COL25A1: variants seen among roughly 807,000 people sequenced by gnomAD.
The protein encoded by COL25A1 is collagen type XXV alpha 1 chain, also known as collagen alpha-1(XXV) chain.
COL25A1 carries 103 observed loss-of-function variants against 128.4 expected under a neutral mutation model. The ratio of observed to expected loss-of-function variants is 0.80; its 90% CI spans 0.68 to 0.94. The LOEUF (loss-of-function observed/expected upper bound fraction) is 0.94, where lower values mean the gene tolerates loss of function less well. Among genes scored for constraint, COL25A1 ranks in the 40% least tolerant of loss-of-function variants. The probability of loss-of-function intolerance (pLI) is 0.00; values close to 1 mark genes in which losing one functional copy is unlikely to be tolerated. For synonymous variants in COL25A1, 279 were observed against 277.2 expected, an observed-to-expected ratio of 1.01 and a Z score of -0.06; for missense variants, 745 against 840.0, an observed-to-expected ratio of 0.89 and a Z score of 1.40.
rs113177941 is a variant in COL25A1 at position 109,026,333 on chromosome 4, G to T, written c.421-15958C>A. 5.7e-3 allele frequency among the ~76,000 whole-genome samples: 871 copies of T among 152,222 alleles called. 3 individuals are homozygous for T. The highest frequency in any genetic ancestry group is 0.01 in the Non-Finnish European group (688 of 67,998). On this transcript the variant is annotated intron_variant, in intron 5 of 37. Coordinates refer to ENST00000399132, the MANE Select transcript of COL25A1 (RefSeq NM_198721.4). ...GAGTTACAGAAATCAAGATTGGAGA[G>T]AATTTCAAGAAGGCAAATTGATTAA...
At position 109,065,545 on chromosome 4, in the gene COL25A1, C is replaced by CGTGTGT. The variant is rs70949065; in HGVS notation, c.368-15372_368-15367dup. ...TTTTGGTGCAGCACGCGCGCGCGCGCGTGTGTGTGTGTGTGTGTGTGTGTG... is the reference window on the plus strand; with the variant it reads ...TTTTGGTGCAGCACGCGCGCGCGCGCGTGTGTGTGTGTGTGTGTGTGTGTGTGTGTG... On this transcript the variant is annotated intron_variant, in intron 3 of 37. Transcript: ENST00000399132. Among the ~76,000 whole-genome samples the CGTGTGT allele has an allele frequency of 3.5e-3, 493 of 141,180 alleles. 2 individuals are homozygous for CGTGTGT. The highest frequency in any genetic ancestry group is 0.014 in the Middle Eastern group (4 of 276). The allele number at this position is 141,180 out of a possible 152,430, so 92.6% of individuals were successfully genotyped here.
chr4:109,107,844 T>C (rs886629959), intron 3 of COL25A1, among the ~76,000 whole-genome samples: 2 of 152,246 alleles, frequency 1.3e-5, no homozygotes, highest in Non-Finnish European at 2.9e-5. Flanking sequence ...TTTTTCTCAC[T>C]GTGGGCACCT....
rs1468517959 is a variant in COL25A1, at chr4:108,848,808, T to G, written c.1390-5A>C. ...TCCTGGAGATCCCTGCTCTCCCTAT[T>G]AAGATAAAAATAGATGACTTGCCTC... On this transcript the variant is annotated splice_region_variant and splice_polypyrimidine_tract_variant and intron_variant, in intron 26 of 37. Transcript: ENST00000399132. 3 of 1,605,854 alleles carry G rather than the reference T, an allele frequency of 1.9e-6. No individual in the cohort carries two copies. The highest frequency in any genetic ancestry group is 2.6e-6 in the Non-Finnish European group (3 of 1,173,058).
intron 6 of COL25A1, among the ~76,000 whole-genome samples, chr4:109,009,370 A>G (rs191293720): frequency 2.0e-5 from 3 of 152,328 alleles, no homozygotes; most frequent in Admixed American, 2.0e-4. Flanking sequence ...AAACTTTCTC[A>G]TAAGCTTGGT....
intron 22 of COL25A1, among the ~76,000 whole-genome samples, chr4:108,862,007 A>G (rs1366802361): frequency 6.6e-6 from 1 of 152,176 alleles, no homozygotes; most frequent in Non-Finnish European, 1.5e-5. Context: ...AGTAGCTAAC[A>G]GCATTTTAAA....
At chr4:109,073,412 T>A (rs1280517125) in intron 3 of COL25A1, among the ~76,000 whole-genome samples, 2 of 152,194 alleles carry the variant, frequency 1.3e-5, no homozygotes, top group Non-Finnish European at 2.9e-5. Flanking sequence ...ACAAAACTCA[T>A]GTTCATCCTT....
At chr4:109,241,959 T>C (rs1252320632) in intron 3 of COL25A1, among the ~76,000 whole-genome samples, 3 of 151,964 alleles carry the variant, frequency 2.0e-5, no homozygotes, top group East Asian at 1.9e-4. Flanking sequence ...AGTCACCATA[T>C]CAAGACTTGA....
At chr4:108,887,764 A>G (rs905463296) in intron 18 of COL25A1, among the ~76,000 whole-genome samples, 1 of 152,190 alleles carries the variant, frequency 6.6e-6, no homozygotes, top group Non-Finnish European at 1.5e-5. Context: ...CTATTTGAAT[A>G]TTCCACTCTG....
intron 3 of COL25A1, among the ~76,000 whole-genome samples, chr4:109,181,764 A>T (rs1384406038): frequency 6.6e-6 from 1 of 152,086 alleles, no homozygotes; most frequent in Non-Finnish European, 1.5e-5. Flanking sequence ...CATTGTTATT[A>T]ACTATAGTCA....
chr4:109,282,409 C>A (rs1373734325), intron 3 of COL25A1, among the ~76,000 whole-genome samples: 1 of 151,850 alleles, frequency 6.6e-6, no homozygotes, highest in African/African-American at 2.4e-5. Context: ...GAGCCAGTAG[C>A]AGAAGTGGAA....
In COL25A1 at chr4:108,869,221, T is replaced by A. The variant is rs200732092; in HGVS notation, c.1021-71A>T. ...ATAAATAAATAAATAAATAAATAAA[T>A]AAAAACTAAACTCATTTTCTTCTAC... On this transcript the variant is annotated intron_variant, in intron 19 of 37. Transcript: ENST00000399132. The A allele has an allele frequency of 3.0e-5, 9 of 302,568 alleles. No individual in the cohort carries two copies. The highest frequency in any genetic ancestry group is 4.3e-5 in the Non-Finnish European group (9 of 210,670). The allele number at this position is 302,568 out of a possible 1,614,324, so 18.7% of individuals were successfully genotyped here.
chr4:108,859,145 G>A (rs189515827), intron 24 of COL25A1, among the ~76,000 whole-genome samples: 2 of 152,312 alleles, frequency 1.3e-5, no homozygotes, highest in East Asian at 3.9e-4. Context: ...ACTGTTCTAA[G>A]AGTATAATAT....
At chr4:109,031,013 A>T (rs1758800336) in intron 5 of COL25A1, among the ~76,000 whole-genome samples, 1 of 150,450 alleles carries the variant, frequency 6.6e-6, no homozygotes, top group Non-Finnish European at 1.5e-5. Flanking sequence ...TGTTGGGATT[A>T]TAGGGATGAG....
At chr4:108,824,304 A>G in intron 34 of COL25A1, 77 bp from the exon 35 acceptor site, 1 of 1,022,382 alleles carries the variant, frequency 9.8e-7, no homozygotes, top group Non-Finnish European at 1.5e-6. Context: ...ATATTTTAGG[A>G]TTTTACATTT....
chr4:108,866,996 T>C (rs1370000558), intron 20 of COL25A1, among the ~76,000 whole-genome samples: 1 of 152,208 alleles, frequency 6.6e-6, no homozygotes, highest in Non-Finnish European at 1.5e-5. Context: ...TTACTCAGGG[T>C]TCAGAGTAGT....
chr4:108,954,083 C>T (rs748418274), intron 8 of COL25A1, among the ~76,000 whole-genome samples: 7 of 152,028 alleles, frequency 4.6e-5, no homozygotes, highest in Admixed American at 6.6e-5. Context: ...AATTCCTTTT[C>T]GAAAAGGACG....
chr4:109,201,032 T>A (rs1011503370), intron 3 of COL25A1, among the ~76,000 whole-genome samples: 1 of 152,200 alleles, frequency 6.6e-6, no homozygotes, highest in African/African-American at 2.4e-5. Flanking sequence ...TTTATTTCCC[T>A]CCTGTCCTTT....
At chr4:109,127,984 T>A (rs1262232291) in intron 3 of COL25A1, among the ~76,000 whole-genome samples, 1 of 152,126 alleles carries the variant, frequency 6.6e-6, no homozygotes, top group East Asian at 1.9e-4. Flanking sequence ...GACGCTCTTT[T>A]TAGGGCCCTG....
chr4:109,084,672 C>A (rs1210487821), intron 3 of COL25A1, among the ~76,000 whole-genome samples: 1 of 152,136 alleles, frequency 6.6e-6, no homozygotes, highest in African/African-American at 2.4e-5. Flanking sequence ...GGTTTTTATG[C>A]CCTATGTTTA....
Sources: gnomAD v4.1 joint callset for allele counts (sites outside exome capture counted in the v4.1 genomes callset) on GRCh38, gnomAD v4.1.1 for gene constraint, MANE v1.5 for transcripts, NCBI Gene and HGNC (gene_info 2026-07-23, HGNC 2026-07-21) for gene names.